VCL: variants seen among roughly 807,000 people sequenced by gnomAD.
VCL encodes epididymis luminal protein 114.
Under a neutral mutation model 125.7 loss-of-function variants are expected in VCL, and 47 were observed. The ratio of observed to expected loss-of-function variants is 0.37; its 90% CI spans 0.30 to 0.48. VCL has a LOEUF of 0.48. Ranked by LOEUF, VCL falls within the 20% of genes least tolerant of loss-of-function variation. The probability of loss-of-function intolerance (pLI) is 0.99; values close to 1 mark genes in which losing one functional copy is unlikely to be tolerated. For synonymous variants in VCL, 458 were observed against 514.6 expected (o/e 0.89, Z 1.49); for missense variants, 1,069 against 1,455.5 (o/e 0.73, Z 4.32).
downstream of VCL, chr10:74,120,855 G>C (rs1192319169): frequency 6.6e-6 from 1 of 152,108 alleles, no homozygotes; most frequent in Non-Finnish European, 1.5e-5. Context: ...GCCCAGTATA[G>C]AATAAATAGG....
At chr10:74,098,705 G>T (rs1840007884) in intron 13 of VCL, among the ~76,000 whole-genome samples, 1 of 150,688 alleles carries the variant, frequency 6.6e-6, no homozygotes, top group Non-Finnish European at 1.5e-5. Flanking sequence ...GTGTAGAACT[G>T]GTAGGTGGAG....
At chr10:74,082,373 G>A in intron 6 of VCL, 81 bp from the exon 7 acceptor site, 1 of 1,501,392 alleles carries the variant, frequency 6.7e-7, no homozygotes. Flanking sequence ...TGTTAATGCT[G>A]TAACTTCTTC....
chr10:74,105,374 T>C, intron 16 of VCL, 21 bp downstream of exon 16: 2 of 1,611,986 alleles, frequency 1.2e-6, no homozygotes, highest in South Asian at 1.1e-5. Flanking sequence ...CATGGCACTA[T>C]GTCTCACCTC....
intron 1 of VCL, 21 bp downstream of exon 1, chr10:73,998,396 GC>G: frequency 4.6e-5 from 67 of 1,451,644 alleles, no homozygotes; most frequent in Non-Finnish European, 6.0e-5. Flanking sequence ...AGGGCCTGGC[GC>G]GGGAGCGGGC....
In VCL at chr10:74,114,789, C is replaced by T. The variant is rs371257509; in HGVS notation, c.3154-6C>T. On this transcript the variant is annotated splice_polypyrimidine_tract_variant and splice_region_variant and intron_variant, in intron 20 of 21. Coordinates refer to ENST00000211998, the MANE Select transcript of VCL (RefSeq NM_014000.3). ...AGAAACATACCAAATTAAACTTTCT[C>T]TTTAGGTATGTGAGCGAATCCCAAC... 67 of 1,599,952 alleles carry T rather than the reference C, an allele frequency of 4.2e-5. No homozygotes were observed. The highest frequency in any genetic ancestry group is 5.6e-5 in the Non-Finnish European group (66 of 1,173,986).
intron 8 of VCL, among the ~76,000 whole-genome samples, chr10:74,086,421 C>T (rs937808652): frequency 2.6e-5 from 4 of 152,198 alleles, no homozygotes; most frequent in African/African-American, 7.2e-5. Context: ...TGAATCTTTT[C>T]TCCTGCTGAG....
chr10:74,074,906 A>G lies in VCL; in HGVS notation c.783+3A>G. 2.5e-6 allele frequency: 4 copies of G among 1,614,156 alleles called. 1 individual carries two copies. The South Asian group carries it at 3.3e-5, about 13-fold the overall frequency. On this transcript the variant is annotated splice_donor_region_variant and intron_variant, in intron 6 of 21. Coordinates refer to ENST00000211998, the MANE Select transcript of VCL (RefSeq NM_014000.3). Reference sequence around the variant, plus strand: ...ATGAAGATGCCTGGGCCAGCAAGGTACGTGTTCTTAGTGGAGAAATAAGCA... The same window carrying G: ...ATGAAGATGCCTGGGCCAGCAAGGTGCGTGTTCTTAGTGGAGAAATAAGCA...
At chr10:74,087,728 C>T (rs1481335215) in intron 8 of VCL, among the ~76,000 whole-genome samples, 1 of 151,752 alleles carries the variant, frequency 6.6e-6, no homozygotes, top group Non-Finnish European at 1.5e-5. Context: ...GTAATCCCAG[C>T]ACTTTGGGAG....
At chr10:74,108,836 TG>T (rs1840176711) in intron 17 of VCL, 134 bp from the exon 18 acceptor site, 1 of 927,486 alleles carries the variant, frequency 1.1e-6, no homozygotes, top group Non-Finnish European at 1.7e-6. Context: ...AGGTGGTCCT[TG>T]TGGCTCAGTG....
At chr10:74,033,783 G>T (rs368815501) in intron 1 of VCL, among the ~76,000 whole-genome samples, 1 of 152,140 alleles carries the variant, frequency 6.6e-6, no homozygotes, top group African/African-American at 2.4e-5. Context: ...GAATATCCCA[G>T]TGCTAATTAC....
At chr10:74,067,010 T>A (rs943265849) in intron 2 of VCL, among the ~76,000 whole-genome samples, 1 of 152,156 alleles carries the variant, frequency 6.6e-6, no homozygotes, top group African/African-American at 2.4e-5. Context: ...TTTGTTTGAA[T>A]TAAAATTTAT....
intron 1 of VCL, among the ~76,000 whole-genome samples, chr10:74,002,462 A>G (rs1840244546): frequency 6.6e-6 from 1 of 152,162 alleles, no homozygotes; most frequent in Non-Finnish European, 1.5e-5. Context: ...GAAACAGAGT[A>G]TGATGGAAAG....
chr10:74,012,538 TACAAA>T (rs1382094654), intron 1 of VCL, among the ~76,000 whole-genome samples: 1 of 152,242 alleles, frequency 6.6e-6, no homozygotes, highest in Non-Finnish European at 1.5e-5. Flanking sequence ...TGTTAACTAC[TACAAA>T]TACAGTGGTT....
intron 10 of VCL, 83 bp downstream of exon 10, chr10:74,090,281 C>A (rs547598093): frequency 4.0e-6 from 6 of 1,497,218 alleles, no homozygotes; most frequent in African/African-American, 2.8e-5. Context: ...TTTCTTTCTT[C>A]CCCCAAGAAC....
intron 2 of VCL, among the ~76,000 whole-genome samples, chr10:74,066,418 G>T (rs1395359086): frequency 6.6e-6 from 1 of 152,020 alleles, no homozygotes; most frequent in Non-Finnish European, 1.5e-5. Context: ...TAACATGATG[G>T]ACTGAACATT....
intron 1 of VCL, among the ~76,000 whole-genome samples, chr10:74,041,707 C>T (rs1241054385): frequency 6.7e-6 from 1 of 148,664 alleles, no homozygotes; most frequent in African/African-American, 2.5e-5. Context: ...GCCTGGCCAA[C>T]ATGGTGAAAC....
chr10:74,114,526 G>C, intron 20 of VCL, 139 bp downstream of exon 20: 1 of 1,113,230 alleles, frequency 9.0e-7, no homozygotes, highest in Non-Finnish European at 1.3e-6. Flanking sequence ...ACTTCACCGG[G>C]GACAGAAATA....
chr10:74,064,209 C>T (rs1479777636), intron 2 of VCL, among the ~76,000 whole-genome samples: 1 of 152,154 alleles, frequency 6.6e-6, no homozygotes, highest in Non-Finnish European at 1.5e-5. Context: ...AACCCAGGAA[C>T]AGCCAAATGG....
In VCL at chr10:74,074,856, C is replaced by T. The variant is rs794729194; in HGVS notation, c.736C>T (p.Arg246Cys). The stretch of plus-strand genomic sequence containing the variant: ...GAGTGCTGAAATTAATGAGATAATT[C>T]GTGTGTTACAACTCACCTCTTGGGA... ...KMSAEINEII[R>C]VLQLTSWDED... Residue 246 changes from arginine (R) to cysteine (C), a missense_variant, in exon 6 of 22, where the codon CGT becomes TGT. Arg to Cys is a radical substitution (Grantham distance 180). Coordinates refer to ENST00000211998, the MANE Select transcript of VCL (RefSeq NM_014000.3). The T allele has an allele frequency of 1.2e-6, 2 of 1,614,046 alleles. No individual in the cohort carries two copies. The highest frequency in any genetic ancestry group is 1.7e-6 in the Non-Finnish European group (2 of 1,180,006).
Sources: gnomAD v4.1 joint callset for allele counts (sites outside exome capture counted in the v4.1 genomes callset) on GRCh38, gnomAD v4.1.1 for gene constraint, MANE v1.5 for transcripts, NCBI Gene and HGNC (gene_info 2026-07-23, HGNC 2026-07-21) for gene names.